MRAP2: variants seen among roughly 807,000 people sequenced by gnomAD.
MRAP2 encodes the protein melanocortin 2 receptor accessory protein 2.
Under a neutral mutation model 17.4 loss-of-function variants are expected in MRAP2, and 20 were observed. The observed-to-expected ratio is 1.15, with a 90% CI of 0.81 to 1.67. The LOEUF (loss-of-function observed/expected upper bound fraction) is 1.67. Ranked by LOEUF, MRAP2 falls within the 40% of genes most tolerant of loss-of-function variation. The pLI is 0.00. For missense variants in MRAP2, 238 were observed against 240.0 expected, an observed-to-expected ratio of 0.99 and a Z score of 0.05; for synonymous variants, 96 against 88.4, an observed-to-expected ratio of 1.09 and a Z score of -0.48.
the MRAP2 span, among the ~76,000 whole-genome samples, chr6:84,097,136 C>G: frequency 6.6e-6 from 1 of 152,152 alleles, no homozygotes; most frequent in African/African-American, 2.4e-5. Flanking sequence ...CTTATGATGA[C>G]CTGAAAGCTC....
intron 3 of MRAP2, among the ~76,000 whole-genome samples, chr6:84,072,485 G>A (rs971884932): frequency 6.6e-5 from 10 of 152,216 alleles, no homozygotes; most frequent in African/African-American, 1.9e-4. Flanking sequence ...GTGGTAGGGA[G>A]GGGCAATGGA....
At chr6:84,100,455 C>G in the MRAP2 span, among the ~76,000 whole-genome samples, 1 of 151,798 alleles carries the variant, frequency 6.6e-6, no homozygotes, top group Non-Finnish European at 1.5e-5. Context: ...TTTGTAGAGA[C>G]AGCATTTCGC....
chr6:84,061,759 G>A (rs2099493234), intron 2 of MRAP2: 1 of 984,690 alleles, frequency 1.0e-6, no homozygotes, highest in Non-Finnish European at 1.2e-6. Flanking sequence ...CTTTTAAAGT[G>A]GTAAATTGGG....
chr6:84,033,557 C>A, upstream of MRAP2: 1 of 523,376 alleles, frequency 1.9e-6, no homozygotes, highest in Non-Finnish European at 2.5e-6. Flanking sequence ...AAAGAATTCT[C>A]TGACTCAGGC....
chr6:84,128,091 T>G, the MRAP2 span, among the ~76,000 whole-genome samples: 1 of 152,206 alleles, frequency 6.6e-6, no homozygotes, highest in African/African-American at 2.4e-5. Flanking sequence ...ACCTCACTAT[T>G]CCTAGCACCC....
intron 1 of MRAP2, among the ~76,000 whole-genome samples, chr6:84,034,108 C>T (rs760221399): frequency 2.0e-5 from 3 of 151,928 alleles, no homozygotes; most frequent in Non-Finnish European, 4.4e-5. Flanking sequence ...TTCCCGGCAG[C>T]CCGCTGATGT....
intron 2 of MRAP2, 112 bp downstream of exon 2, chr6:84,055,557 C>A: frequency 9.6e-7 from 1 of 1,041,130 alleles, no homozygotes; most frequent in Non-Finnish European, 1.4e-6. Flanking sequence ...AACTCTCTGT[C>A]CTCTACCTCC....
chr6:84,086,657 G>C (rs191619540), intron 3 of MRAP2, among the ~76,000 whole-genome samples: 1 of 152,124 alleles, frequency 6.6e-6, no homozygotes, highest in East Asian at 1.9e-4. Context: ...ACATCATACT[G>C]TTGCCATACC....
chr6:84,127,991 CA>C, the MRAP2 span, among the ~76,000 whole-genome samples: 1 of 152,168 alleles, frequency 6.6e-6, no homozygotes, highest in East Asian at 1.9e-4. Flanking sequence ...ACAGATGTCT[CA>C]TTTTTTTATT....
At chr6:84,123,138 A>G in the MRAP2 span, among the ~76,000 whole-genome samples, 1 of 152,192 alleles carries the variant, frequency 6.6e-6, no homozygotes, top group African/African-American at 2.4e-5. Flanking sequence ...GATTGTTTTA[A>G]ATGACCATAT....
At position 84,045,719 on chromosome 6, in the gene MRAP2, C is replaced by T. The variant is rs533474033; in HGVS notation, c.-7-9593C>T. Among the ~76,000 whole-genome samples the T allele has an allele frequency of 1.2e-4, 18 of 151,996 alleles. No individual in the cohort carries two copies. The South Asian group carries it at 2.3e-3, about 19-fold the overall frequency. On this transcript the variant is annotated intron_variant, in intron 1 of 3. Transcript: ENST00000257776. ...CAGAGGTTGCATTGAGCTGAGATCA[C>T]GCCACTGCACTCCAGCCTGTGTGAG... is the stretch of plus-strand genomic sequence containing the variant.
chr6:84,087,582 A>T (rs60174337), intron 3 of MRAP2, among the ~76,000 whole-genome samples: 20,596 of 152,208 alleles, frequency 0.14, 1,414 homozygotes, highest in Middle Eastern at 0.23. Context: ...TAAACCTGAG[A>T]GAAATGACAG....
chr6:84,101,052 A>G, the MRAP2 span, among the ~76,000 whole-genome samples: 1 of 152,180 alleles, frequency 6.6e-6, no homozygotes, highest in Non-Finnish European at 1.5e-5. Flanking sequence ...CCAAATATCC[A>G]AACATACTCT....
intron 3 of MRAP2, chr6:84,063,353 A>G (rs2099493670): frequency 1.0e-6 from 1 of 985,314 alleles, no homozygotes; most frequent in South Asian, 4.7e-5. Context: ...AGTGGAAAAG[A>G]CAATGGCAAA....
chr6:84,059,955 G>A (rs1036352141), intron 2 of MRAP2, among the ~76,000 whole-genome samples: 1 of 152,162 alleles, frequency 6.6e-6, no homozygotes, highest in Non-Finnish European at 1.5e-5. Flanking sequence ...AACTTCAGGA[G>A]AGTTTGGATA....
rs149639802 is a variant in MRAP2, at chr6:84,056,818, A to G, written c.127+1373A>G. On this transcript the variant is annotated intron_variant, in intron 2 of 3. Coordinates refer to ENST00000257776, the MANE Select transcript of MRAP2 (RefSeq NM_138409.4). ...TTTTCCTTAGTTTAAGAAGCACAGA[A>G]GACAGGCCTGCTGCTGTAATTTTGG... is the stretch of plus-strand genomic sequence containing the variant. Among the ~76,000 whole-genome samples the G allele has an allele frequency of 4.7e-3, 712 of 152,274 alleles. 11 individuals carry two copies. Among genetic ancestry groups the G allele is most frequent in the African/African-American group, 0.016 (674 of 41,554 alleles).
At chr6:84,143,362 A>G in the MRAP2 span, among the ~76,000 whole-genome samples, 1 of 152,040 alleles carries the variant, frequency 6.6e-6, no homozygotes, top group South Asian at 2.1e-4. Context: ...TGTAGTTTTC[A>G]TAAGAAATTA....
At chr6:84,137,050 G>T in the MRAP2 span, among the ~76,000 whole-genome samples, 1 of 152,168 alleles carries the variant, frequency 6.6e-6, no homozygotes, top group Non-Finnish European at 1.5e-5. Context: ...AAGAGATATC[G>T]GTTCTTGTGG....
At chr6:84,083,502 A>G (rs1012671791) in intron 3 of MRAP2, among the ~76,000 whole-genome samples, 1 of 152,240 alleles carries the variant, frequency 6.6e-6, no homozygotes, top group African/African-American at 2.4e-5. Flanking sequence ...CATATCAAAG[A>G]ATTACAGAAA....
Sources: gnomAD v4.1 joint callset for allele counts (sites outside exome capture counted in the v4.1 genomes callset) on GRCh38, gnomAD v4.1.1 for gene constraint, MANE v1.5 for transcripts, NCBI Gene and HGNC (gene_info 2026-07-23, HGNC 2026-07-21) for gene names.